Variants in NMD3 observed in about 807,000 individuals in gnomAD.
The protein encoded by NMD3 is NMD3 ribosome export adaptor.
NMD3 carries 47 observed loss-of-function variants against 73.1 expected under a neutral mutation model. The ratio of observed to expected loss-of-function variants is 0.64; its 90% CI spans 0.51 to 0.82. NMD3 has a LOEUF of 0.82. Among genes scored for constraint, NMD3 ranks in the 40% least tolerant of loss-of-function variants. The pLI is 0.00. For synonymous variants in NMD3, 210 were observed against 194.5 expected (o/e 1.08, Z -0.66); for missense variants, 554 against 612.5 (o/e 0.90, Z 1.01).
intron 4 of NMD3, 116 bp from the exon 5 acceptor site, chr3:161,233,283 T>C: frequency 1.6e-6 from 1 of 633,614 alleles, no homozygotes; most frequent in Non-Finnish European, 2.8e-6. Context: ...TGTAGTATGC[T>C]GATCACAGAT....
intron 11 of NMD3, among the ~76,000 whole-genome samples, chr3:161,245,527 ATTTCT>A (rs1737164958): frequency 6.6e-6 from 1 of 151,680 alleles, no homozygotes; most frequent in South Asian, 2.1e-4. Context: ...CTTCTGCTCT[ATTTCT>A]TTTCATTTTT....
chr3:161,251,189 G>A lies in NMD3; in HGVS notation c.*279G>A, dbSNP rs190319579. The A allele has an allele frequency of 9.7e-4, 239 of 247,550 alleles. No individual in the cohort carries two copies. Among genetic ancestry groups the A allele is most frequent in the Non-Finnish European group, 1.7e-3 (217 of 127,150 alleles). 15.3% of individuals were successfully genotyped at this position (247,550 alleles called of 1,614,324 possible). On this transcript the variant is annotated 3_prime_UTR_variant, in exon 16 of 16. Transcript: ENST00000351193. ...GTGCTTTTTTATATGAGGCACTGTAGTATTTTCACATAGTATAGTACTCTG... is the reference window on the plus strand; with the variant it reads ...GTGCTTTTTTATATGAGGCACTGTAATATTTTCACATAGTATAGTACTCTG...
intron 4 of NMD3, among the ~76,000 whole-genome samples, chr3:161,230,939 C>T (rs886734544): frequency 6.6e-6 from 1 of 152,148 alleles, no homozygotes; most frequent in East Asian, 1.9e-4. Context: ...AGAGGAAATG[C>T]ACCAGGACAG....
At chr3:161,225,652 A>G (rs2108074787) in intron 3 of NMD3, among the ~76,000 whole-genome samples, 1 of 152,296 alleles carries the variant, frequency 6.6e-6, no homozygotes, top group South Asian at 2.1e-4. Context: ...CTATTAGGCC[A>G]TTGAGTAACA....
rs1403373821 is a variant in NMD3, at chr3:161,249,434, T to C, written c.1204-20T>C. The C allele has an allele frequency of 6.6e-7, 1 of 1,521,720 alleles. No homozygotes were observed. Among genetic ancestry groups the C allele is most frequent in the Admixed American group, 1.9e-5 (1 of 52,588 alleles). The allele number at this position is 1,521,720 out of a possible 1,614,324, so 94.3% of individuals were successfully genotyped here. A position where few individuals can be genotyped will look rare whatever the true frequency, so the allele number is the denominator to read the frequency against. ...GTATAGTTCCCATTCTTTGTAACTT[T>C]ACAAATATTTATCTTGCAGGTATTA... is the stretch of plus-strand genomic sequence containing the variant. On this transcript the variant is annotated intron_variant, in intron 13 of 15. Transcript: ENST00000351193.
Position 161,237,186 on chromosome 3 carries a change from T to G in NMD3, c.578-927T>G, listed in dbSNP as rs182061719. 3.6e-3 allele frequency among the ~76,000 whole-genome samples: 550 copies of G among 152,328 alleles called. 3 individuals are homozygous for G. Among genetic ancestry groups the G allele is most frequent in the Middle Eastern group, 0.014 (4 of 294 alleles). ...GTTGTCTTTAGTAATTTCTACTGTTTAGGATTTATTGAAATTCTTTTTCTT... is the reference window on the plus strand; with the variant it reads ...GTTGTCTTTAGTAATTTCTACTGTTGAGGATTTATTGAAATTCTTTTTCTT... On this transcript the variant is annotated intron_variant, in intron 7 of 15. Transcript: ENST00000351193.
chr3:161,235,971 A>T (rs1355467952), intron 7 of NMD3, among the ~76,000 whole-genome samples: 1 of 152,074 alleles, frequency 6.6e-6, no homozygotes, highest in Non-Finnish European at 1.5e-5. Flanking sequence ...AGTTTTAAAC[A>T]ATCTTTTTAT....
intron 10 of NMD3, 23 bp downstream of exon 10, chr3:161,241,186 C>T: frequency 7.2e-7 from 1 of 1,396,490 alleles, no homozygotes; most frequent in Non-Finnish European, 1.0e-6. Context: ...AATGATTTGC[C>T]TTGACAATTT....
At chr3:161,236,282 C>T (rs1314922047) in intron 7 of NMD3, among the ~76,000 whole-genome samples, 1 of 152,054 alleles carries the variant, frequency 6.6e-6, no homozygotes, top group Non-Finnish European at 1.5e-5. Context: ...TACCAAACTG[C>T]TTCAAAGTGG....
At chr3:161,230,987 T>TA (rs1438621342) in intron 4 of NMD3, among the ~76,000 whole-genome samples, 1 of 152,188 alleles carries the variant, frequency 6.6e-6, no homozygotes, top group Non-Finnish European at 1.5e-5. Flanking sequence ...GGGTTACTGT[T>TA]ACAAGTTTAG....
chr3:161,231,164 G>T (rs184461494), intron 4 of NMD3, among the ~76,000 whole-genome samples: 222 of 152,322 alleles, frequency 1.5e-3, no homozygotes, highest in Admixed American at 4.4e-3. Flanking sequence ...GAATAATTTT[G>T]ATTATTGATT....
At position 161,251,495 on chromosome 3, in the gene NMD3, T is replaced by G. The variant is rs1257765537; in HGVS notation, c.*585T>G. 1 of 152,160 alleles carries G rather than the reference T, an allele frequency of 6.6e-6. No homozygotes were observed. The highest frequency in any genetic ancestry group is 1.5e-5 in the Non-Finnish European group (1 of 68,010). The allele number at this position is 152,160 out of a possible 1,614,324, so 9.4% of individuals were successfully genotyped here. On this transcript the variant is annotated 3_prime_UTR_variant, in exon 16 of 16. Coordinates refer to ENST00000351193, the MANE Select transcript of NMD3 (RefSeq NM_015938.5). Reference sequence around the variant, plus strand: ...CTTCAAAAGCCGTTAAACAGAGAGTTATCTTAATTTTTATTGCAGTAGGAG... The same window carrying G: ...CTTCAAAAGCCGTTAAACAGAGAGTGATCTTAATTTTTATTGCAGTAGGAG...
intron 10 of NMD3, 117 bp from the exon 11 acceptor site, chr3:161,242,391 A>T: frequency 1.2e-6 from 1 of 838,922 alleles, no homozygotes; most frequent in Non-Finnish European, 1.9e-6. Context: ...AGTTGACACT[A>T]GTTCTGTTGA....
chr3:161,238,485 T>C (rs767217788), intron 8 of NMD3, among the ~76,000 whole-genome samples: 15 of 152,234 alleles, frequency 9.9e-5, no homozygotes, highest in Non-Finnish European at 1.8e-4. Context: ...AGAAAGTAGA[T>C]TGGTCTGAGC....
At chr3:161,228,574 G>T (rs551922956) in intron 4 of NMD3, among the ~76,000 whole-genome samples, 7 of 151,200 alleles carry the variant, frequency 4.6e-5, no homozygotes, top group African/African-American at 1.5e-4. Context: ...ATTTGTCTCT[G>T]TTTTTTTATG....
chr3:161,246,578 C>T, intron 12 of NMD3, 130 bp downstream of exon 12: 1 of 424,598 alleles, frequency 2.4e-6, no homozygotes, highest in Non-Finnish European at 4.3e-6. Flanking sequence ...AGCCTTATAA[C>T]TCATTTTATT....
intron 15 of NMD3, among the ~76,000 whole-genome samples, chr3:161,250,571 AGTG>A (rs1337984710): frequency 6.6e-6 from 1 of 152,146 alleles, no homozygotes; most frequent in Non-Finnish European, 1.5e-5. Context: ...TCACTCCTAT[AGTG>A]GTGGAAGTAT....
chr3:161,246,351 G>A lies in NMD3; in HGVS notation c.1033G>A (p.Val345Ile). The A allele has an allele frequency of 1.4e-6, 2 of 1,437,078 alleles. No individual in the cohort carries two copies. Among genetic ancestry groups the A allele is most frequent in the East Asian group, 4.7e-5 (2 of 42,738 alleles). 89.0% of individuals were successfully genotyped at this position (1,437,078 alleles called of 1,614,324 possible). Residue 345 changes from valine to isoleucine, a missense_variant, in exon 12 of 16, where the codon GTC becomes ATC. By Grantham distance (29) the Val-to-Ile change is conservative. Coordinates refer to ENST00000351193, the MANE Select transcript of NMD3 (RefSeq NM_015938.5). ...MISKKHTLGE[V>I]WVQKTSEMNT... ...TCCTCTTAAGCATACCCTCGGGGAA[G>A]TCTGGGTACAGAAGACATCTGAAAT...
chr3:161,226,190 A>C (rs1297992795), intron 3 of NMD3, among the ~76,000 whole-genome samples: 3 of 152,122 alleles, frequency 2.0e-5, no homozygotes, highest in African/African-American at 7.2e-5. Flanking sequence ...TTGGTGGCTC[A>C]CGCCTGTAAT....
Sources: gnomAD v4.1 joint callset for allele counts (sites outside exome capture counted in the v4.1 genomes callset) on GRCh38, gnomAD v4.1.1 for gene constraint, MANE v1.5 for transcripts, NCBI Gene and HGNC (gene_info 2026-07-23, HGNC 2026-07-21) for gene names.